The following FAM184A variants were observed in gnomAD, a reference collection of about 807,000 sequenced individuals.
FAM184A encodes family with sequence similarity 184 member A.
In FAM184A, 99 loss-of-function variants were observed where a neutral mutation model predicts 143.8. The observed-to-expected ratio is 0.69, with a 90% CI of 0.58 to 0.81. The LOEUF (loss-of-function observed/expected upper bound fraction) is 0.81. Ranked by LOEUF, FAM184A falls within the 40% of genes least tolerant of loss-of-function variation. The pLI, the probability that FAM184A is intolerant of heterozygous loss-of-function variation, is 0.00. For missense variants in FAM184A, 1,217 were observed against 1,310.5 expected, an observed-to-expected ratio of 0.93 and a Z score of 1.10; for synonymous variants, 427 against 446.4, an observed-to-expected ratio of 0.96 and a Z score of 0.55.
intron 10 of FAM184A, 128 bp downstream of exon 10, chr6:118,980,010 T>C: frequency 1.5e-6 from 1 of 684,654 alleles, no homozygotes. Flanking sequence ...ATTGTGCTGC[T>C]GCACCTCAGC....
intron 1 of FAM184A, among the ~76,000 whole-genome samples, chr6:119,050,661 CCGGGCGCGGTGG>C (rs1403168866): frequency 6.6e-6 from 1 of 152,026 alleles, no homozygotes; most frequent in East Asian, 1.9e-4. Context: ...AAAAAATTAG[CCGGGCGCGGTGG>C]CGGGCGCTGT....
Position 119,117,080 on chromosome 6 carries a change from C to T in FAM184A, c.-202+31998G>A, listed in dbSNP as rs981120497. Among the ~76,000 whole-genome samples the T allele has an allele frequency of 4.6e-5, 7 of 152,168 alleles. No homozygotes were observed. In the East Asian group the frequency reaches 5.8e-4, roughly 13 times the overall value. On this transcript the variant is annotated intron_variant, in intron 1 of 16. Transcript: ENST00000352896. Reference sequence around the variant, plus strand: ...AGTGACCAAGTAGAACTACCAGGTGCGACCAGCAGGGGACACGATTGCAAT... The same window carrying T: ...AGTGACCAAGTAGAACTACCAGGTGTGACCAGCAGGGGACACGATTGCAAT...
At chr6:119,027,589 G>C (rs1318230499) in intron 1 of FAM184A, among the ~76,000 whole-genome samples, 1 of 152,156 alleles carries the variant, frequency 6.6e-6, no homozygotes, top group Non-Finnish European at 1.5e-5. Flanking sequence ...AACATTCCAG[G>C]CATCTAGCTA....
chr6:119,033,394 GGTGGCTCACGCCTGTAA>G (rs1785963725), intron 1 of FAM184A, among the ~76,000 whole-genome samples: 1 of 152,066 alleles, frequency 6.6e-6, no homozygotes, highest in Non-Finnish European at 1.5e-5. Context: ...GGCCAGGTGC[GGTGGCTCACGCCTGTAA>G]TTCCAGCACT....
chr6:119,030,047 T>C (rs1257966299), intron 1 of FAM184A, among the ~76,000 whole-genome samples: 1 of 152,158 alleles, frequency 6.6e-6, no homozygotes, highest in Non-Finnish European at 1.5e-5. Context: ...CCCTATTAAA[T>C]AGTACAGGGT....
chr6:118,988,050 T>G (rs891431045), intron 9 of FAM184A, among the ~76,000 whole-genome samples: 1 of 152,194 alleles, frequency 6.6e-6, no homozygotes, highest in Admixed American at 6.5e-5. Context: ...CATGCCCTTG[T>G]GTACAAATTG....
At chr6:119,059,000 C>G (rs1002294077) in intron 1 of FAM184A, among the ~76,000 whole-genome samples, 4 of 151,736 alleles carry the variant, frequency 2.6e-5, no homozygotes, top group Non-Finnish European at 4.4e-5. Context: ...TATTTTGAGA[C>G]AAGGTCTTGT....
chr6:118,984,564 T>A (rs1220584621), intron 9 of FAM184A, among the ~76,000 whole-genome samples: 1 of 152,168 alleles, frequency 6.6e-6, no homozygotes, highest in African/African-American at 2.4e-5. Context: ...AAGTGAAACA[T>A]CAAATCTGAG....
intron 1 of FAM184A, among the ~76,000 whole-genome samples, chr6:119,112,312 G>A (rs1788954301): frequency 6.6e-6 from 1 of 151,998 alleles, no homozygotes; most frequent in Non-Finnish European, 1.5e-5. Context: ...ATTTTTAGTA[G>A]AGACGGGGTT....
chr6:118,983,914 C>T (rs772696131), intron 9 of FAM184A, among the ~76,000 whole-genome samples: 42 of 151,306 alleles, frequency 2.8e-4, no homozygotes, highest in Non-Finnish European at 4.0e-4. Context: ...TTTAGGAGGC[C>T]GAGACGGGTG....
chr6:119,053,500 A>G (rs979391785), intron 1 of FAM184A, among the ~76,000 whole-genome samples: 1 of 152,184 alleles, frequency 6.6e-6, no homozygotes, highest in Non-Finnish European at 1.5e-5. Flanking sequence ...TCTATGTAAC[A>G]GCCTAACGCC....
chr6:118,970,901 TG>T (rs1418613450), intron 14 of FAM184A, among the ~76,000 whole-genome samples: 3 of 152,160 alleles, frequency 2.0e-5, no homozygotes, highest in Non-Finnish European at 4.4e-5. Flanking sequence ...CCTAAAAAGC[TG>T]TATACAAAGT....
At chr6:119,104,675 T>C (rs1788731267) in intron 1 of FAM184A, among the ~76,000 whole-genome samples, 2 of 152,204 alleles carry the variant, frequency 1.3e-5, no homozygotes, top group Admixed American at 6.5e-5. Context: ...TTCAAAATTA[T>C]AAATTACATT....
Position 119,003,805 on chromosome 6 carries a change from T to A in FAM184A, c.1816-183A>T, listed in dbSNP as rs1784840435. On this transcript the variant is annotated intron_variant, in intron 7 of 17. Coordinates refer to ENST00000338891, the MANE Select transcript of FAM184A (RefSeq NM_024581.6). ...GAAAATAAAATATGTAAAACAAATT[T>A]TATATTTTACATGTTCTTGTCTAAA... 2.0e-5 allele frequency among the ~76,000 whole-genome samples: 3 copies of A among 152,222 alleles called. No individual in the cohort carries two copies. In the South Asian group the frequency reaches 6.2e-4, roughly 32 times the overall value.
intron 1 of FAM184A, among the ~76,000 whole-genome samples, chr6:119,102,286 C>T (rs1582617498): frequency 6.6e-6 from 1 of 151,888 alleles, no homozygotes; most frequent in South Asian, 2.1e-4. Context: ...TTGCTGTAGG[C>T]CAGCAGTTAG....
Position 118,980,300 on chromosome 6 carries a change from A to C in FAM184A, c.2139T>G (p.Thr713=). The C allele has an allele frequency of 6.2e-7, 1 of 1,614,096 alleles. No individual in the cohort carries two copies. Among genetic ancestry groups the C allele is most frequent in the Non-Finnish European group, 8.5e-7 (1 of 1,179,950 alleles). ...ACTGGGCTTGCAGTTGTTGCAAAGA[A>C]GTCTGAGACTGGGAAAGCTGTATCT... is the stretch of plus-strand genomic sequence containing the variant. ...NLEIQLSQSQ[T]SLQQLQAQFT... is the part of the protein sequence containing the mutation. The change falls in exon 10 of 18, where the codon ACT becomes ACG. Residue 713 remains threonine (T), a synonymous_variant. Coordinates refer to ENST00000338891, the MANE Select transcript of FAM184A (RefSeq NM_024581.6).
At chr6:119,116,221 G>A (rs968429857) in intron 1 of FAM184A, among the ~76,000 whole-genome samples, 1 of 152,120 alleles carries the variant, frequency 6.6e-6, no homozygotes, top group African/African-American at 2.4e-5. Context: ...AAAACTTCCA[G>A]TAGTCCATTA....
chr6:119,069,008 C>T (rs754218626), intron 1 of FAM184A: 2 of 364,668 alleles, frequency 5.5e-6, no homozygotes, highest in South Asian at 4.4e-5. Context: ...TTAATATATT[C>T]CAGTTACATT....
At chr6:119,034,674 T>C (rs916939290) in intron 1 of FAM184A, among the ~76,000 whole-genome samples, 1 of 152,060 alleles carries the variant, frequency 6.6e-6, no homozygotes, top group African/African-American at 2.4e-5. Flanking sequence ...TATATTTTTA[T>C]AGTCTTTATT....
Sources: allele counts gnomAD v4.1 joint callset (sites outside exome capture counted in the v4.1 genomes callset), GRCh38; gene constraint gnomAD v4.1.1; transcripts MANE v1.5; gene names NCBI Gene and HGNC (gene_info 2026-07-23, HGNC 2026-07-21).